The following PPP3CB variants were observed in gnomAD, a reference collection of about 807,000 sequenced individuals.
The protein encoded by PPP3CB is protein phosphatase 3 catalytic subunit beta.
A neutral mutation model predicts 66.4 loss-of-function variants in PPP3CB; 8 were observed. The ratio of observed to expected loss-of-function variants is 0.12; its 90% CI spans 0.07 to 0.22. PPP3CB has a LOEUF of 0.22. PPP3CB is among the 10% of genes least tolerant of loss of function. The pLI, the probability that PPP3CB is intolerant of heterozygous loss-of-function variation, is 1.00. For missense variants in PPP3CB, 319 were observed against 642.5 expected (o/e 0.50, Z 5.44); for synonymous variants, 208 against 221.2 (o/e 0.94, Z 0.53).
At chr10:73,470,231 G>A (rs2056681542) in intron 8 of PPP3CB, among the ~76,000 whole-genome samples, 1 of 152,104 alleles carries the variant, frequency 6.6e-6, no homozygotes, top group Non-Finnish European at 1.5e-5. Flanking sequence ...GCAGTGATAA[G>A]ACTGTGGAGG....
intron 9 of PPP3CB, among the ~76,000 whole-genome samples, chr10:73,457,373 T>C (rs903212886): frequency 1.3e-5 from 2 of 150,278 alleles, no homozygotes; most frequent in Non-Finnish European, 1.5e-5. Context: ...GAGTTTGAGA[T>C]TGCAGTGAGT....
At position 73,448,391 on chromosome 10, in the gene PPP3CB, A is replaced by ATT. The variant is rs775256250; in HGVS notation, c.1187-1819_1187-1818insAA. Among the ~76,000 whole-genome samples the ATT allele has an allele frequency of 9.3e-4, 142 of 152,340 alleles. 1 individual carries two copies. Among genetic ancestry groups the ATT allele is most frequent in the South Asian group, 5.4e-3 (26 of 4,828 alleles). On this transcript the variant is annotated intron_variant, in intron 10 of 13. Coordinates refer to ENST00000360663, the MANE Select transcript of PPP3CB (RefSeq NM_021132.4). ...TCAAACAACCCTAATCATGCAGGGA[A>ATT]AAGTACAAAACATTACAAATAAGCA...
At chr10:73,492,159 C>T (rs1385974908) in intron 1 of PPP3CB, among the ~76,000 whole-genome samples, 2 of 152,062 alleles carry the variant, frequency 1.3e-5, no homozygotes, top group Non-Finnish European at 2.9e-5. Flanking sequence ...ATAAATTCAG[C>T]ATTTTGGTTC....
chr10:73,491,181 C>T (rs1462440761), intron 1 of PPP3CB, among the ~76,000 whole-genome samples: 3 of 151,960 alleles, frequency 2.0e-5, no homozygotes, highest in Non-Finnish European at 2.9e-5. Context: ...CAGGCGTGTA[C>T]CACCACACCA....
At chr10:73,442,886 T>A (rs946167866) in intron 12 of PPP3CB, among the ~76,000 whole-genome samples, 10 of 151,556 alleles carry the variant, frequency 6.6e-5, no homozygotes, top group Non-Finnish European at 1.3e-4. Flanking sequence ...AGGAAAAAAA[T>A]TTTTTTTATT....
intron 9 of PPP3CB, among the ~76,000 whole-genome samples, chr10:73,460,574 A>C (rs1005863088): frequency 2.0e-5 from 3 of 152,226 alleles, no homozygotes; most frequent in African/African-American, 7.2e-5. Flanking sequence ...CCAACTACTA[A>C]TGTGTTTTCA....
At chr10:73,486,223 C>T (rs1046777604) in intron 1 of PPP3CB, among the ~76,000 whole-genome samples, 6 of 150,864 alleles carry the variant, frequency 4.0e-5, no homozygotes, top group Admixed American at 1.3e-4. Flanking sequence ...GGATTACAGG[C>T]GTGAGCCACC....
At chr10:73,495,556 AC>A (rs1444140065) in intron 1 of PPP3CB, 4 of 339,910 alleles carry the variant, frequency 1.2e-5, no homozygotes, top group Non-Finnish European at 2.1e-5. Flanking sequence ...TAACAGCCTC[AC>A]CCCTTGGGCT....
chr10:73,448,535 A>C, intron 10 of PPP3CB: 1 of 429,742 alleles, frequency 2.3e-6, no homozygotes, highest in South Asian at 1.9e-5. Context: ...ATAAAACTTA[A>C]GCTAAATTTG....
intron 13 of PPP3CB, among the ~76,000 whole-genome samples, chr10:73,438,841 G>A (rs1289718777): frequency 6.6e-6 from 1 of 152,062 alleles, no homozygotes; most frequent in Non-Finnish European, 1.5e-5. Flanking sequence ...GCTAAACAAG[G>A]TTAATCCTCA....
chr10:73,459,185 T>C (rs1036231401), intron 9 of PPP3CB, among the ~76,000 whole-genome samples: 1 of 150,942 alleles, frequency 6.6e-6, no homozygotes, highest in Non-Finnish European at 1.5e-5. Flanking sequence ...CCCAGGTCTA[T>C]ACTCAAGAAA....
intron 1 of PPP3CB, among the ~76,000 whole-genome samples, chr10:73,485,652 T>TG (rs894911227): frequency 6.6e-6 from 1 of 152,218 alleles, no homozygotes; most frequent in Non-Finnish European, 1.5e-5. Flanking sequence ...TCCTTCTTGC[T>TG]GTTCTCCCTC....
chr10:73,465,130 T>C (rs984742121), intron 9 of PPP3CB, among the ~76,000 whole-genome samples: 1 of 152,022 alleles, frequency 6.6e-6, no homozygotes, highest in Non-Finnish European at 1.5e-5. Context: ...TGGCTATGAT[T>C]TGATAATTGT....
intron 4 of PPP3CB, among the ~76,000 whole-genome samples, chr10:73,473,754 T>C (rs2056740508): frequency 1.3e-5 from 2 of 151,844 alleles, no homozygotes. Context: ...AGGTATTAGA[T>C]TACCATTGCT....
At chr10:73,438,566 T>C (rs1205662155) in intron 13 of PPP3CB, 146 bp from the exon 14 acceptor site, 6 of 681,764 alleles carry the variant, frequency 8.8e-6, no homozygotes, top group Non-Finnish European at 1.5e-5. Context: ...CCTATCCTCA[T>C]TTCAGTCTTT....
At position 73,452,622 on chromosome 10, in the gene PPP3CB, G is replaced by C. The variant is rs1434733987; in HGVS notation, c.1186+1790C>G. Among the ~76,000 whole-genome samples, 2 of 151,852 alleles carry C rather than the reference G, an allele frequency of 1.3e-5. 1 individual carries two copies. Among genetic ancestry groups the C allele is most frequent in the African/African-American group, 4.8e-5 (2 of 41,312 alleles). The stretch of plus-strand genomic sequence containing the variant: ...GAGGCAGGAGAATTGCTTGAACCAG[G>C]GAGGTGGAGCTTGCAGTGAGCTGAG... On this transcript the variant is annotated intron_variant, in intron 10 of 13. Transcript: ENST00000360663.
intron 1 of PPP3CB, among the ~76,000 whole-genome samples, chr10:73,495,140 C>T (rs2057165815): frequency 6.6e-6 from 1 of 152,190 alleles, no homozygotes; most frequent in Admixed American, 6.5e-5. Context: ...TAAGTAAATA[C>T]TTGCTATCCA....
In PPP3CB at chr10:73,471,229, AAGAAC is replaced by A. The variant is rs1484987855; in HGVS notation, c.670-25_670-21del. ...ATCTAACTGTGAAAGAAAGAAAAGA[AAGAAC>A]AGAAGTAACTCATCAAAAAGTAAGG... On this transcript the variant is annotated intron_variant, in intron 5 of 13. Coordinates refer to ENST00000360663, the MANE Select transcript of PPP3CB (RefSeq NM_021132.4). The A allele has an allele frequency of 1.9e-6, 3 of 1,574,476 alleles. No individual in the cohort carries two copies. Among genetic ancestry groups the A allele is most frequent in the Non-Finnish European group, 2.6e-6 (3 of 1,158,006 alleles).
chr10:73,476,475 G>C lies in PPP3CB; in HGVS notation c.412-1445C>G, dbSNP rs1036896166. ...CTATTAAAAATACAAAAACTAGCCG[G>C]GAGTGGTGGTGGGCACCTGTAATCC... On this transcript the variant is annotated intron_variant, in intron 3 of 13. Coordinates refer to ENST00000360663, the MANE Select transcript of PPP3CB (RefSeq NM_021132.4). Among the ~76,000 whole-genome samples the C allele has an allele frequency of 1.8e-4, 27 of 152,132 alleles. 1 individual carries two copies. The East Asian group carries it at 5.2e-3, about 29-fold the overall frequency.
Sources: allele counts gnomAD v4.1 joint callset (sites outside exome capture counted in the v4.1 genomes callset), GRCh38; gene constraint gnomAD v4.1.1; transcripts MANE v1.5; gene names NCBI Gene and HGNC (gene_info 2026-07-23, HGNC 2026-07-21).